Variants in NALCN observed in about 807,000 individuals in gnomAD.
NALCN encodes the protein sodium leak channel NALCN.
In NALCN, 111 loss-of-function variants were observed where a neutral mutation model predicts 225.3. The observed-to-expected ratio is 0.49, with a 90% confidence interval of 0.42 to 0.58. The LOEUF is 0.58. NALCN is among the 20% of genes least tolerant of loss of function. The pLI, the probability that NALCN is intolerant of heterozygous loss-of-function variation, is 0.00. For missense variants in NALCN, 1,378 were observed against 2,202.4 expected (o/e 0.63, Z 7.49); for synonymous variants, 764 against 769.0 (o/e 0.99, Z 0.11).
chr13:101,207,919 G>T (rs1011225888), intron 13 of NALCN, among the ~76,000 whole-genome samples: 6 of 152,180 alleles, frequency 3.9e-5, no homozygotes, highest in African/African-American at 1.4e-4. Context: ...TCACCGCAAA[G>T]GTCTGCGGCT....
chr13:101,197,760 T>G (rs2039949442), intron 13 of NALCN, among the ~76,000 whole-genome samples: 2 of 152,138 alleles, frequency 1.3e-5, no homozygotes, highest in South Asian at 4.1e-4. Context: ...TAGTGAATTT[T>G]AATGGGAAAC....
chr13:101,265,727 A>G (rs972983638), intron 10 of NALCN, among the ~76,000 whole-genome samples: 1 of 152,214 alleles, frequency 6.6e-6, no homozygotes, highest in African/African-American at 2.4e-5. Context: ...ACATATGGAG[A>G]AACAGGCTCA....
At chr13:101,262,600 GCAGC>G (rs2042465552) in intron 10 of NALCN, among the ~76,000 whole-genome samples, 2 of 152,156 alleles carry the variant, frequency 1.3e-5, no homozygotes, top group Non-Finnish European at 2.9e-5. Flanking sequence ...TTTAGTCCTT[GCAGC>G]TCAAAGAGCT....
chr13:101,349,278 C>T (rs753673835), intron 6 of NALCN, among the ~76,000 whole-genome samples: 1 of 152,140 alleles, frequency 6.6e-6, no homozygotes, highest in South Asian at 2.1e-4. Context: ...ATATGATATA[C>T]CCAATCAGAA....
chr13:101,063,878 T>C (rs1169011639), intron 40 of NALCN, among the ~76,000 whole-genome samples: 1 of 152,238 alleles, frequency 6.6e-6, no homozygotes, highest in Non-Finnish European at 1.5e-5. Flanking sequence ...TATTTTTTTC[T>C]GTGGCATGGA....
Position 101,104,806 on chromosome 13 carries a change from TAAA to T in NALCN, c.2636+85_2636+87del. ...TTCATAGCACTATATAGCAAGAAAATAAAAGAGAATTTTAATCGTTGTATGCAG... is the reference window on the plus strand; with the variant it reads ...TTCATAGCACTATATAGCAAGAAAATAGAGAATTTTAATCGTTGTATGCAG... On this transcript the variant is annotated intron_variant, in intron 23 of 43. Transcript: ENST00000251127. This position sits in a 1 kb window ranked among gnomAD's most constrained non-coding sequence, Gnocchi z 4.2. 6.4e-7 allele frequency: 1 copy of T among 1,564,620 alleles called. No homozygotes were observed.
chr13:101,208,059 A>T (rs12864509), intron 13 of NALCN, among the ~76,000 whole-genome samples: 37,613 of 151,030 alleles, frequency 0.25, 4,709 homozygotes, highest in East Asian at 0.37. Context: ...CAAGACAACG[A>T]ACCCACCAGG....
intron 25 of NALCN, among the ~76,000 whole-genome samples, chr13:101,103,673 T>TATTTTATTAATGACCTGCA (rs1443812726): frequency 6.6e-6 from 1 of 152,228 alleles, no homozygotes; most frequent in African/African-American, 2.4e-5. Flanking sequence ...AGGTTACTGC[T>TATTTTATTAATGACCTGCA]ATTTTATTAA....
At position 101,223,914 on chromosome 13, in the gene NALCN, T is replaced by C. The variant is rs1346150643; in HGVS notation, c.1626+5479A>G. On this transcript the variant is annotated intron_variant, in intron 13 of 43. Coordinates refer to ENST00000251127, the MANE Select transcript of NALCN (RefSeq NM_052867.4). ...GCTGACAAACACCTGCCACAACTTG[T>C]CACCAACTCCTCTAATCCCTTCCTA... Among the ~76,000 whole-genome samples the C allele has an allele frequency of 2.0e-5, 3 of 152,108 alleles. No individual in the cohort carries two copies. The East Asian group carries it at 5.8e-4, about 29-fold the overall frequency.
chr13:101,259,755 C>T (rs956962560), intron 10 of NALCN, among the ~76,000 whole-genome samples: 3 of 68,036 alleles, frequency 4.4e-5, no homozygotes, highest in South Asian at 7.3e-4. Flanking sequence ...TATATATACA[C>T]ACACACATAA....
At chr13:101,187,452 A>G (rs772230565) in intron 14 of NALCN, among the ~76,000 whole-genome samples, 15 of 152,228 alleles carry the variant, frequency 9.9e-5, no homozygotes, top group Non-Finnish European at 2.1e-4. Flanking sequence ...GACATCACAG[A>G]CAAACTGGAA....
Position 101,345,348 on chromosome 13 carries a change from G to A in NALCN, c.717C>T (p.Cys239=), listed in dbSNP as rs554525705. 3.0e-5 allele frequency: 48 copies of A among 1,613,814 alleles called. No homozygotes were observed. The South Asian group carries it at 4.9e-4, about 17-fold the overall frequency. The change falls in exon 7 of 44, where the codon TGC becomes TGT. Residue 239 remains cysteine (C), a synonymous_variant. Transcript: ENST00000251127. ...GGTCCATGCATTTAAATCCAGGTGG[G>A]CACTGGTAGCCTTCTTCTAGCTCTG... ...CSPELEEGYQ[C]PPGFKCMDLE...
chr13:101,208,409 T>C (rs1477099861), intron 13 of NALCN, among the ~76,000 whole-genome samples: 1 of 152,156 alleles, frequency 6.6e-6, no homozygotes, highest in African/African-American at 2.4e-5. Context: ...ACCGCAAGGG[T>C]CTGCGGCTTC....
intron 12 of NALCN, among the ~76,000 whole-genome samples, chr13:101,236,132 C>T (rs1337368695): frequency 1.3e-5 from 2 of 152,120 alleles, no homozygotes; most frequent in South Asian, 2.1e-4. Flanking sequence ...CAAAAGAAGA[C>T]ATTTATGCAG....
At chr13:101,216,984 T>C (rs2040760107) in intron 13 of NALCN, among the ~76,000 whole-genome samples, 1 of 152,132 alleles carries the variant, frequency 6.6e-6, no homozygotes, top group Non-Finnish European at 1.5e-5. Context: ...TACTTAGAAA[T>C]AAAAACTATC....
chr13:101,146,648 T>C (rs2037359931), intron 15 of NALCN, among the ~76,000 whole-genome samples: 1 of 152,100 alleles, frequency 6.6e-6, no homozygotes, highest in Non-Finnish European at 1.5e-5. Flanking sequence ...AGGCCAAAGG[T>C]GATAAGACAG....
chr13:101,095,520 C>A, intron 28 of NALCN, 54 bp downstream of exon 28: 1 of 1,410,254 alleles, frequency 7.1e-7, no homozygotes, highest in Non-Finnish European at 9.9e-7. Flanking sequence ...TTATTTAAAG[C>A]CTTATACTGA....
chr13:101,143,976 TTTTG>T (rs1238770414), intron 16 of NALCN, among the ~76,000 whole-genome samples: 6 of 152,332 alleles, frequency 3.9e-5, no homozygotes, highest in African/African-American at 1.2e-4. Flanking sequence ...ATTCAATTAA[TTTTG>T]TTTTTTAAAA....
At chr13:101,340,293 C>T (rs1002093972) in intron 7 of NALCN, among the ~76,000 whole-genome samples, 1 of 150,710 alleles carries the variant, frequency 6.6e-6, no homozygotes, top group Admixed American at 6.6e-5. Context: ...CAAAAAACAC[C>T]GTGCCCCTGC....
Sources: gnomAD v4.1 joint callset for allele counts (sites outside exome capture counted in the v4.1 genomes callset) on GRCh38, gnomAD v4.1.1 for gene constraint, Gnocchi (gnomAD v3.1) non-coding constraint, MANE v1.5 for transcripts, NCBI Gene and HGNC (gene_info 2026-07-23, HGNC 2026-07-21) for gene names.